Variants in CDON observed in about 807,000 individuals in gnomAD.
CDON encodes cell adhesion molecule-related/down-regulated by oncogenes.
Under a neutral mutation model 120.9 loss-of-function variants are expected in CDON, and 73 were observed. That is an observed-to-expected ratio of 0.60 (90% confidence interval 0.50 to 0.73). The LOEUF (loss-of-function observed/expected upper bound fraction) is 0.73, where lower values mean the gene tolerates loss of function less well. Among genes scored for constraint, CDON ranks in the 30% least tolerant of loss-of-function variants. The pLI, the probability that CDON is intolerant of heterozygous loss-of-function variation, is 0.00. For synonymous variants in CDON, 566 were observed against 573.5 expected (o/e 0.99, Z 0.19); for missense variants, 1,470 against 1,587.3 (o/e 0.93, Z 1.26).
chr11:125,958,458 T>C lies in CDON; in HGVS notation c.*2484A>G, dbSNP rs556379145. ...CATGTCCTCTCATTTCCTGGTGAAG[T>C]GACATTAGGTAGGACTGTTTGGGTG... On this transcript the variant is annotated 3_prime_UTR_variant, in exon 20 of 20. Transcript: ENST00000531738. 3 of 151,774 alleles carry C rather than the reference T, an allele frequency of 2.0e-5. No individual in the cohort carries two copies. The highest frequency in any genetic ancestry group is 7.2e-5 in the African/African-American group (3 of 41,390). The allele number at this position is 151,774 out of a possible 1,614,324, so 9.4% of individuals were successfully genotyped here. A position where few individuals can be genotyped will look rare whatever the true frequency, so the allele number is the denominator to read the frequency against.
At chr11:125,985,276 C>G (rs796701423) in intron 15 of CDON, among the ~76,000 whole-genome samples, 1 of 152,188 alleles carries the variant, frequency 6.6e-6, no homozygotes, top group Non-Finnish European at 1.5e-5. Flanking sequence ...CAGGTTCCAG[C>G]GATTCTCCTG....
intron 1 of CDON, among the ~76,000 whole-genome samples, chr11:126,027,001 T>C (rs1464340836): frequency 6.6e-6 from 1 of 152,224 alleles, no homozygotes; most frequent in African/African-American, 2.4e-5. Context: ...TCCTTGAAAG[T>C]TTCACAGCTC....
At position 125,983,953 on chromosome 11, in the gene CDON, C is replaced by G. The variant is rs1946386447; in HGVS notation, c.2914G>C (p.Val972Leu). 1 of 1,614,050 alleles carries G rather than the reference C, an allele frequency of 6.2e-7. No homozygotes were observed. The highest frequency in any genetic ancestry group is 1.1e-5 in the South Asian group (1 of 91,076). The change falls in exon 16 of 20, where the codon GTG (valine) becomes CTG (leucine). Residue 972 changes from valine (V) to leucine (L), a missense_variant. Physicochemically the swap from Val to Leu is conservative, Grantham distance 32 (BLOSUM62 1). Transcript: ENST00000531738. ...SDMLYLIVGC[V>L]LGVMVLILMV... ...AGAATGAGGACCATGACGCCCAGCA[C>G]ACAGCCAACGATCAGATATAACATG...
chr11:125,992,278 A>T (rs969937969), intron 14 of CDON, among the ~76,000 whole-genome samples: 4 of 152,142 alleles, frequency 2.6e-5, no homozygotes, highest in African/African-American at 9.7e-5. Context: ...CTTTGTCATT[A>T]AAAGTAATGG....
rs1333579779 is a variant in CDON at position 125,970,996 on chromosome 11, T to C, written c.3356+7308A>G. On this transcript the variant is annotated intron_variant, in intron 18 of 19. Coordinates refer to ENST00000531738, the MANE Select transcript of CDON (RefSeq NM_001378964.1). ...GAAGAGAAGCTGAATGCCTGTTTTC[T>C]GCTGGAAGAAAAAGCTCAGGTGAAC... Among the ~76,000 whole-genome samples the C allele has an allele frequency of 7.2e-5, 11 of 152,280 alleles. No individual in the cohort carries two copies. The East Asian group carries it at 2.1e-3, about 29-fold the overall frequency.
chr11:125,966,997 T>C, intron 18 of CDON, among the ~76,000 whole-genome samples: 1 of 151,178 alleles, frequency 6.6e-6, no homozygotes, highest in South Asian at 2.1e-4. Flanking sequence ...GTTCTTCAAG[T>C]TGAAGGAAAA....
intron 1 of CDON, among the ~76,000 whole-genome samples, chr11:126,028,038 C>T (rs1947843794): frequency 7.2e-6 from 1 of 139,700 alleles, no homozygotes; most frequent in Non-Finnish European, 1.5e-5. Context: ...TCTATGTTGT[C>T]AACATAATGC....
intron 16 of CDON, among the ~76,000 whole-genome samples, chr11:125,983,323 C>T (rs522643): frequency 0.21 from 31,223 of 152,038 alleles, 3,433 homozygotes; most frequent in Non-Finnish European, 0.25. Flanking sequence ...GGGCCATCAT[C>T]GATGTTCAAG....
intron 8 of CDON, 136 bp downstream of exon 8, chr11:126,010,205 G>C: frequency 4.4e-6 from 3 of 688,664 alleles, no homozygotes; most frequent in Non-Finnish European, 7.4e-6. Flanking sequence ...AAGAAATACA[G>C]TTCTACATTT....
At chr11:126,016,037 T>A (rs149206901) in intron 6 of CDON, among the ~76,000 whole-genome samples, 2 of 152,334 alleles carry the variant, frequency 1.3e-5, no homozygotes, top group African/African-American at 2.4e-5. Context: ...TTATCAGAAT[T>A]TGTAGCCTCA....
rs1012445475 is a variant in CDON, at chr11:125,957,656, T to C, written c.*3286A>G. ...ACACAGGTAAAATTCAATGATAAAC[T>C]TCACTTCTTGGCAGTACTATAGCTG... On this transcript the variant is annotated 3_prime_UTR_variant, in exon 20 of 20. Transcript: ENST00000531738. 2.6e-5 allele frequency: 4 copies of C among 152,206 alleles called. No individual in the cohort carries two copies. Among genetic ancestry groups the C allele is most frequent in the African/African-American group, 9.7e-5 (4 of 41,440 alleles). 9.4% of individuals were successfully genotyped at this position (152,206 alleles called of 1,614,324 possible).
At chr11:125,986,547 C>T (rs561270434) in intron 15 of CDON, among the ~76,000 whole-genome samples, 30 of 152,084 alleles carry the variant, frequency 2.0e-4, no homozygotes, top group Non-Finnish European at 3.2e-4. Flanking sequence ...GGGCGGATAA[C>T]GAGGTCAGGA....
chr11:126,005,545 T>C (rs1022326834), intron 9 of CDON: 3 of 595,874 alleles, frequency 5.0e-6, no homozygotes, highest in South Asian at 2.0e-5. Context: ...ATTGGGTTCC[T>C]AGAATTCCAA....
At chr11:125,966,128 A>C (rs1945792716) in intron 18 of CDON, among the ~76,000 whole-genome samples, 2 of 144,890 alleles carry the variant, frequency 1.4e-5, no homozygotes, top group Non-Finnish European at 3.0e-5. Flanking sequence ...GAAGCGCGAA[A>C]TTCCATCTCA....
intron 16 of CDON, 90 bp downstream of exon 16, chr11:125,983,782 T>C: frequency 1.1e-6 from 1 of 944,390 alleles, no homozygotes; most frequent in Non-Finnish European, 1.7e-6. Flanking sequence ...GACACTAATA[T>C]ACAACAGTGT....
rs1057362555 is a variant in CDON, at chr11:126,052,680, G to C, written c.-62+9899C>G. Among the ~76,000 whole-genome samples the C allele has an allele frequency of 2.6e-5, 4 of 152,038 alleles. No individual in the cohort carries two copies. The East Asian group carries it at 5.8e-4, about 22-fold the overall frequency. On this transcript the variant is annotated intron_variant, in intron 1 of 19. Transcript: ENST00000531738. ...CCTACTAAAACTACAAAAATTAGCC[G>C]GGCATGGTGGCAGGTGCTTGTAATC...
chr11:125,983,440 A>G (rs1946372278), intron 16 of CDON, among the ~76,000 whole-genome samples: 1 of 152,196 alleles, frequency 6.6e-6, no homozygotes, highest in African/African-American at 2.4e-5. Flanking sequence ...GTGAAGTGTC[A>G]TTCAGTGACA....
At chr11:126,021,227 C>A in intron 3 of CDON, 21 bp downstream of exon 3, 2 of 1,612,974 alleles carry the variant, frequency 1.2e-6, no homozygotes, top group Non-Finnish European at 1.7e-6. Context: ...CCATACCTAA[C>A]AGGGACAAAA....
At chr11:125,969,326 CT>C (rs1480996690) in intron 18 of CDON, among the ~76,000 whole-genome samples, 1 of 152,108 alleles carries the variant, frequency 6.6e-6, no homozygotes, top group Non-Finnish European at 1.5e-5. Flanking sequence ...ACTAATAATG[CT>C]TTAGTTAAAA....
Sources: gnomAD v4.1 joint callset for allele counts (sites outside exome capture counted in the v4.1 genomes callset) on GRCh38, gnomAD v4.1.1 for gene constraint, MANE v1.5 for transcripts, NCBI Gene and HGNC (gene_info 2026-07-23, HGNC 2026-07-21) for gene names.